The following RNF128 variants were observed in gnomAD, a reference collection of about 807,000 sequenced individuals.
The protein encoded by RNF128 is ring finger protein 128.
A neutral mutation model predicts 26.2 loss-of-function variants in RNF128; 13 were observed. The observed-to-expected ratio is 0.50, with a 90% confidence interval of 0.32 to 0.79. RNF128 has a LOEUF of 0.79. Ranked by LOEUF, RNF128 falls within the 30% of genes least tolerant of loss-of-function variation. The pLI is 0.03. For synonymous variants in RNF128, 149 were observed against 142.5 expected (o/e 1.05, Z -0.32); for missense variants, 315 against 349.7 (o/e 0.90, Z 0.79).
chrX:106,737,672 A>C (rs1261579222), intron 1 of RNF128, among the ~76,000 whole-genome samples: 2 of 111,688 alleles, frequency 1.8e-5, no homozygotes, highest in East Asian at 5.6e-4. Context: ...CTGACTATAC[A>C]TCTCTTATCT....
intron 1 of RNF128, among the ~76,000 whole-genome samples, chrX:106,704,150 A>G (rs1022258078): frequency 3.3e-4 from 37 of 110,470 alleles, no homozygotes; most frequent in African/African-American, 1.2e-3. Context: ...AGAGTGGGGG[A>G]GTAGGCCGGG....
intron 1 of RNF128, among the ~76,000 whole-genome samples, chrX:106,714,540 A>G (rs1232850146): frequency 9.0e-6 from 1 of 111,058 alleles, no homozygotes; most frequent in Non-Finnish European, 1.9e-5. Context: ...GATACAATCC[A>G]CCCACCTTAC....
Position 106,790,183 on chromosome X carries a change from T to C in RNF128, c.888-3T>C. ...TGATAATTATGTTTTTTTCCTGAAT[T>C]AGCCATATTTTCCATAAGACATGTG... On this transcript the variant is annotated splice_region_variant and splice_polypyrimidine_tract_variant and intron_variant, in intron 4 of 6. Coordinates refer to ENST00000255499, the MANE Select transcript of RNF128 (RefSeq NM_194463.2). 2 of 1,173,662 alleles carry C rather than the reference T, an allele frequency of 1.7e-6. No homozygotes were observed. Among genetic ancestry groups the C allele is most frequent in the Non-Finnish European group, 2.3e-6 (2 of 864,249 alleles).
intron 1 of RNF128, among the ~76,000 whole-genome samples, chrX:106,697,987 T>C (rs1210675961): frequency 2.8e-5 from 3 of 107,973 alleles, no homozygotes; most frequent in Non-Finnish European, 3.8e-5. Context: ...TAATGGGATT[T>C]TGACTCGGCA....
intron 1 of RNF128, among the ~76,000 whole-genome samples, chrX:106,755,199 T>C (rs1189226593): frequency 9.0e-6 from 1 of 111,366 alleles, no homozygotes; most frequent in Non-Finnish European, 1.9e-5. Context: ...CCTTCCATGA[T>C]TGGATCAGGA....
intron 1 of RNF128, among the ~76,000 whole-genome samples, chrX:106,764,332 C>A (rs1051546540): frequency 4.5e-5 from 5 of 110,833 alleles, no homozygotes; most frequent in African/African-American, 1.6e-4. Context: ...ACCCCTGCCA[C>A]CTACCCCATA....
chrX:106,720,040 A>C (rs1031375092), intron 1 of RNF128, among the ~76,000 whole-genome samples: 1 of 111,214 alleles, frequency 9.0e-6, no homozygotes, highest in Admixed American at 9.6e-5. Flanking sequence ...TTCTTTTGGA[A>C]TCTTCACCTT....
At chrX:106,782,734 A>T (rs909144068) in intron 2 of RNF128, among the ~76,000 whole-genome samples, 1 of 111,804 alleles carries the variant, frequency 8.9e-6, no homozygotes, top group African/African-American at 3.3e-5. Context: ...TTGTAAGGAA[A>T]TGGTAGGAGT....
At chrX:106,752,803 T>C (rs779003532) in intron 1 of RNF128, among the ~76,000 whole-genome samples, 4 of 111,673 alleles carry the variant, frequency 3.6e-5, no homozygotes, top group Non-Finnish European at 3.8e-5. Context: ...CTCAGTGAAA[T>C]TCCAGATAAC....
At chrX:106,756,666 C>G (rs1930016593) in intron 1 of RNF128, among the ~76,000 whole-genome samples, 1 of 110,165 alleles carries the variant, frequency 9.1e-6, no homozygotes, top group Non-Finnish European at 1.9e-5. Context: ...CCATTCAGGA[C>G]ATAGGCATGG....
At chrX:106,739,623 T>A (rs971649128) in intron 1 of RNF128, among the ~76,000 whole-genome samples, 1 of 112,207 alleles carries the variant, frequency 8.9e-6, no homozygotes, top group African/African-American at 3.2e-5. Context: ...AAAGTGGTTC[T>A]ACATGCTAGG....
intron 1 of RNF128, among the ~76,000 whole-genome samples, chrX:106,765,228 A>G (rs1003835704): frequency 8.9e-6 from 1 of 112,179 alleles, no homozygotes; most frequent in Non-Finnish European, 1.9e-5. Context: ...TTAAGGATCT[A>G]TAATAAAATG....
At position 106,727,411 on chromosome X, in the gene RNF128, C is replaced by T; in HGVS notation, c.484+14C>T. The T allele has an allele frequency of 8.3e-7, 1 of 1,209,052 alleles. No individual in the cohort carries two copies. The highest frequency in any genetic ancestry group is 1.1e-6 in the Non-Finnish European group (1 of 894,071). ...TGTCTCACCCGGGTGAGTGCAGCTA[C>T]TAGATTGCACCCCTCCAGACCTCTG... On this transcript the variant is annotated intron_variant, in intron 1 of 6. Coordinates refer to ENST00000255499, the MANE Select transcript of RNF128 (RefSeq NM_194463.2).
intron 1 of RNF128, among the ~76,000 whole-genome samples, chrX:106,762,143 T>TA (rs1288489526): frequency 9.1e-6 from 1 of 110,229 alleles, no homozygotes; most frequent in Non-Finnish European, 1.9e-5. Context: ...CTAGTTATCT[T>TA]AAAACATACA....
At chrX:106,724,529 A>G (rs367949961), upstream of RNF128, among the ~76,000 whole-genome samples, 91 of 112,005 alleles carry the variant, frequency 8.1e-4, no homozygotes, top group African/African-American at 2.7e-3. Flanking sequence ...CTCCAACATG[A>G]TCTGTTACCA....
chrX:106,693,885 T>TGC (rs1000787839), exon 1 of RNF128: 28 of 559,854 alleles, frequency 5.0e-5, no homozygotes, highest in Middle Eastern at 1.1e-3. Context: ...TGAGATCAGT[T>TGC]ACCTACGTGC....
At chrX:106,757,704 T>G (rs1176448867) in intron 1 of RNF128, among the ~76,000 whole-genome samples, 2 of 105,799 alleles carry the variant, frequency 1.9e-5, no homozygotes. Context: ...CTGCACAATG[T>G]GCACATGTAC....
At chrX:106,724,292 C>T (rs771145853), upstream of RNF128, among the ~76,000 whole-genome samples, 17 of 111,244 alleles carry the variant, frequency 1.5e-4, no homozygotes, top group Non-Finnish European at 2.8e-4. Context: ...CTATCCAAGC[C>T]ATCTTCATCT....
At chrX:106,722,294 C>T (rs1056385529), upstream of RNF128, among the ~76,000 whole-genome samples, 24 of 111,577 alleles carry the variant, frequency 2.2e-4, no homozygotes, top group Non-Finnish European at 4.1e-4. Context: ...TGGATGCTAG[C>T]TACCTGTCAG....
Sources: gnomAD v4.1 joint callset for allele counts (sites outside exome capture counted in the v4.1 genomes callset) on GRCh38, gnomAD v4.1.1 for gene constraint, MANE v1.5 for transcripts, NCBI Gene and HGNC (gene_info 2026-07-23, HGNC 2026-07-21) for gene names.